The following KCNQ1OT1 variants were observed in gnomAD, a reference collection of about 807,000 sequenced individuals.
KCNQ1OT1 encodes the protein KCNQ1 opposite strand/antisense transcript 1.
rs559902211 is a variant in KCNQ1OT1, at chr11:2,621,646, C to G, written n.78349G>C. The G allele has an allele frequency of 2.1e-4, 83 of 398,392 alleles. No individual in the cohort carries two copies. Among genetic ancestry groups the G allele is most frequent in the African/African-American group, 1.5e-3 (73 of 48,698 alleles). The allele number at this position is 398,392 out of a possible 1,614,324, so 24.7% of individuals were successfully genotyped here. ...TTTTCTAGGAATTTGTCCATTTCCT[C>G]TAGGTTATCCAATTTGTTGGGATAT... On this transcript the variant is annotated non_coding_transcript_exon_variant, in exon 1 of 1. Coordinates refer to ENST00000597346, the Ensembl canonical transcript of KCNQ1OT1. This position sits in a 1 kb window ranked among gnomAD's most constrained non-coding sequence, Gnocchi z 5.7.
rs776170046 is a variant in KCNQ1OT1 at position 2,664,048 on chromosome 11, C to T, written n.35947G>A. ...ATCCTGCAGCCTTTTCAGGTTGGCA[C>T]TCCCATGGCCTCCAGTGATAAGTGG... On this transcript the variant is annotated non_coding_transcript_exon_variant, in exon 1 of 1. Transcript: ENST00000597346. The surrounding 1 kb of genome is among the most constrained non-coding windows in gnomAD (Gnocchi z 5.1). 6 of 398,632 alleles carry T rather than the reference C, an allele frequency of 1.5e-5. No individual in the cohort carries two copies. Among genetic ancestry groups the T allele is most frequent in the African/African-American group, 2.1e-5 (1 of 48,654 alleles). 24.7% of individuals were successfully genotyped at this position (398,632 alleles called of 1,614,324 possible).
chr11:2,643,048 T>C (rs777692756), exon 1 of KCNQ1OT1: 7 of 397,888 alleles, frequency 1.8e-5, no homozygotes, highest in Non-Finnish European at 3.1e-5. Context: ...TTAAAATATA[T>C]ATATATTTAA....
chr11:2,610,276 G>T, exon 1 of KCNQ1OT1: 2 of 397,840 alleles, frequency 5.0e-6, no homozygotes, highest in Non-Finnish European at 8.9e-6. Flanking sequence ...TCCTGTATGA[G>T]TTTATTCAGT....
exon 1 of KCNQ1OT1, chr11:2,672,309 G>T: frequency 2.5e-6 from 1 of 398,580 alleles, no homozygotes; most frequent in Non-Finnish European, 4.4e-6. Context: ...CTCCAGGTGG[G>T]AGCTCAAGGG....
At position 2,695,119 on chromosome 11, in the gene KCNQ1OT1, T is replaced by C. The variant is rs1317843572; in HGVS notation, n.4876A>G. On this transcript the variant is annotated non_coding_transcript_exon_variant, in exon 1 of 1. Transcript: ENST00000597346. The surrounding 1 kb of genome is among the most constrained non-coding windows in gnomAD (Gnocchi z 5.2). ...TAGAGGGTATCTGGCAGGAGAGTCA[T>C]GGAGGCACATTCATTCGTTGGTTCT... The C allele has an allele frequency of 2.5e-6, 1 of 398,558 alleles. No homozygotes were observed. The highest frequency in any genetic ancestry group is 2.1e-5 in the African/African-American group (1 of 48,630). 24.7% of individuals were successfully genotyped at this position (398,558 alleles called of 1,614,324 possible).
chr11:2,644,552 A>G (rs991323627), exon 1 of KCNQ1OT1: 2 of 398,200 alleles, frequency 5.0e-6, no homozygotes, highest in Admixed American at 8.8e-5. Flanking sequence ...GGTTTCATCA[A>G]TTTCTTTTTC....
chr11:2,677,837 A>C lies in KCNQ1OT1; in HGVS notation n.22158T>G, dbSNP rs975205960. The C allele has an allele frequency of 5.0e-6, 2 of 398,406 alleles. No individual in the cohort carries two copies. The highest frequency in any genetic ancestry group is 4.1e-5 in the African/African-American group (2 of 48,626). The allele number at this position is 398,406 out of a possible 1,614,324, so 24.7% of individuals were successfully genotyped here. ...ATGTTGTGATAGATACTGCCAAATAAGGGCTGTACCATTTACATCACTTTG... is the reference window on the plus strand; with the variant it reads ...ATGTTGTGATAGATACTGCCAAATACGGGCTGTACCATTTACATCACTTTG... On this transcript the variant is annotated non_coding_transcript_exon_variant, in exon 1 of 1. Transcript: ENST00000597346. This position sits in a 1 kb window ranked among gnomAD's most constrained non-coding sequence, Gnocchi z 4.5.
In KCNQ1OT1 at chr11:2,617,736, T is replaced by A; in HGVS notation, n.82259A>T. The A allele has an allele frequency of 2.5e-6, 1 of 398,548 alleles. No individual in the cohort carries two copies. Among genetic ancestry groups the A allele is most frequent in the Non-Finnish European group, 4.4e-6 (1 of 226,004 alleles). 24.7% of individuals were successfully genotyped at this position (398,548 alleles called of 1,614,324 possible). On this transcript the variant is annotated non_coding_transcript_exon_variant, in exon 1 of 1. Transcript: ENST00000597346. This position sits in a 1 kb window ranked among gnomAD's most constrained non-coding sequence, Gnocchi z 4.6. ...CACTTAATAGCTATTCTCATGAGTG[T>A]GAGGTGATATCGCATAGTAATTTTG...
At position 2,617,528 on chromosome 11, in the gene KCNQ1OT1, G is replaced by A. The variant is rs980143320; in HGVS notation, n.82467C>T. The A allele has an allele frequency of 2.5e-6, 1 of 398,434 alleles. No homozygotes were observed. Among genetic ancestry groups the A allele is most frequent in the Non-Finnish European group, 4.4e-6 (1 of 225,968 alleles). 24.7% of individuals were successfully genotyped at this position (398,434 alleles called of 1,614,324 possible). A position where few individuals can be genotyped will look rare whatever the true frequency, so the allele number is the denominator to read the frequency against. Reference sequence around the variant, plus strand: ...ATATAATGCCACAATGAATATAGGAGCGCAGATATCTTTATGAGGTGGAGA... The same window carrying A: ...ATATAATGCCACAATGAATATAGGAACGCAGATATCTTTATGAGGTGGAGA... On this transcript the variant is annotated non_coding_transcript_exon_variant, in exon 1 of 1. Transcript: ENST00000597346. This position sits in a 1 kb window ranked among gnomAD's most constrained non-coding sequence, Gnocchi z 4.6.
rs1288334100 is a variant in KCNQ1OT1, at chr11:2,669,605, G to C, written n.30390C>G. 1.8e-5 allele frequency: 7 copies of C among 398,536 alleles called. No individual in the cohort carries two copies. Among genetic ancestry groups the C allele is most frequent in the Non-Finnish European group, 3.1e-5 (7 of 226,092 alleles). The allele number at this position is 398,536 out of a possible 1,614,324, so 24.7% of individuals were successfully genotyped here. A position where few individuals can be genotyped will look rare whatever the true frequency, so the allele number is the denominator to read the frequency against. ...ATCCTGCCCACAGGACACTGGGGCA[G>C]TCACCTAATCTCTATCAGCCTCAGT... On this transcript the variant is annotated non_coding_transcript_exon_variant, in exon 1 of 1. Transcript: ENST00000597346. This position sits in a 1 kb window ranked among gnomAD's most constrained non-coding sequence, Gnocchi z 5.6.
At position 2,661,663 on chromosome 11, in the gene KCNQ1OT1, C is replaced by T; in HGVS notation, n.38332G>A. 1.7e-6 allele frequency: 1 copy of T among 596,590 alleles called. No individual in the cohort carries two copies. Among genetic ancestry groups the T allele is most frequent in the Non-Finnish European group, 3.0e-6 (1 of 334,574 alleles). The allele number at this position is 596,590 out of a possible 1,614,324, so 37.0% of individuals were successfully genotyped here. A position where few individuals can be genotyped will look rare whatever the true frequency, so the allele number is the denominator to read the frequency against. The stretch of plus-strand genomic sequence containing the variant: ...TGTCAGTTGTGAACATGGGAAGAGG[C>T]CCAGAACCTGAGGTGGGGAGAGTCT... On this transcript the variant is annotated non_coding_transcript_exon_variant, in exon 1 of 1. Coordinates refer to ENST00000597346, the Ensembl canonical transcript of KCNQ1OT1. The surrounding 1 kb of genome is among the most constrained non-coding windows in gnomAD (Gnocchi z 5.9).
exon 1 of KCNQ1OT1, chr11:2,696,801 T>C (rs942907973): frequency 1.3e-5 from 5 of 398,524 alleles, no homozygotes; most frequent in Non-Finnish European, 2.2e-5. Context: ...GGTATAAATT[T>C]TGCTGCTATT....
Position 2,669,348 on chromosome 11 carries a change from G to A in KCNQ1OT1, n.30647C>T, listed in dbSNP as rs1401142268. The A allele has an allele frequency of 2.5e-6, 1 of 398,518 alleles. No individual in the cohort carries two copies. Among genetic ancestry groups the A allele is most frequent in the African/African-American group, 2.1e-5 (1 of 48,620 alleles). 24.7% of individuals were successfully genotyped at this position (398,518 alleles called of 1,614,324 possible). On this transcript the variant is annotated non_coding_transcript_exon_variant, in exon 1 of 1. Coordinates refer to ENST00000597346, the Ensembl canonical transcript of KCNQ1OT1. The surrounding 1 kb of genome is among the most constrained non-coding windows in gnomAD (Gnocchi z 5.6). ...CCTCTAGGCGCAGCAGCCTCTAGATGGGCATGGGAGAATGGGTATCCTTAT... is the reference window on the plus strand; with the variant it reads ...CCTCTAGGCGCAGCAGCCTCTAGATAGGCATGGGAGAATGGGTATCCTTAT...
chr11:2,641,388 G>T (rs1420823318), exon 1 of KCNQ1OT1: 1 of 397,372 alleles, frequency 2.5e-6, no homozygotes, highest in Non-Finnish European at 4.4e-6. Flanking sequence ...AATTACTGAT[G>T]TTGGGCTTTT....
chr11:2,610,167 A>G (rs1589980061), exon 1 of KCNQ1OT1: 1 of 397,704 alleles, frequency 2.5e-6, no homozygotes, highest in East Asian at 3.6e-5. Context: ...ATTCTTCAAT[A>G]TTCTATTTGT....
chr11:2,610,615 C>T (rs1019218767), exon 1 of KCNQ1OT1: 1 of 397,188 alleles, frequency 2.5e-6, no homozygotes, highest in South Asian at 1.3e-4. Context: ...TCTTACAAAA[C>T]TGGTCTGCTA....
exon 1 of KCNQ1OT1, chr11:2,633,810 C>A: frequency 2.5e-6 from 1 of 398,548 alleles, no homozygotes; most frequent in Non-Finnish European, 4.4e-6. Flanking sequence ...CCTGTATATA[C>A]CAAAAGCCAT....
Position 2,670,850 on chromosome 11 carries a change from G to A in KCNQ1OT1, n.29145C>T, listed in dbSNP as rs1053516184. 2.3e-5 allele frequency: 9 copies of A among 398,466 alleles called. No homozygotes were observed. The highest frequency in any genetic ancestry group is 6.2e-4 in the Middle Eastern group (1 of 1,610). The allele number at this position is 398,466 out of a possible 1,614,324, so 24.7% of individuals were successfully genotyped here. A position where few individuals can be genotyped will look rare whatever the true frequency, so the allele number is the denominator to read the frequency against. ...GTGCCACCAGCCAAGGAGGTCAAAG[G>A]TCCTCACTGGCCAGTGGGCCACTGG... On this transcript the variant is annotated non_coding_transcript_exon_variant, in exon 1 of 1. Coordinates refer to ENST00000597346, the Ensembl canonical transcript of KCNQ1OT1. This position sits in a 1 kb window ranked among gnomAD's most constrained non-coding sequence, Gnocchi z 4.9.
chr11:2,620,091 T>C lies in KCNQ1OT1; in HGVS notation n.79904A>G, dbSNP rs1188853719. 7.5e-6 allele frequency: 3 copies of C among 398,342 alleles called. No homozygotes were observed. The highest frequency in any genetic ancestry group is 1.3e-5 in the Non-Finnish European group (3 of 226,034). 24.7% of individuals were successfully genotyped at this position (398,342 alleles called of 1,614,324 possible). ...GTTTACTCAGTGTTTAGGTCCCACTTGCAAGTGGTAACATGCAGTATTTGG... is the reference window on the plus strand; with the variant it reads ...GTTTACTCAGTGTTTAGGTCCCACTCGCAAGTGGTAACATGCAGTATTTGG... On this transcript the variant is annotated non_coding_transcript_exon_variant, in exon 1 of 1. Transcript: ENST00000597346. The surrounding 1 kb of genome is among the most constrained non-coding windows in gnomAD (Gnocchi z 4.5).
Sources: allele counts gnomAD v4.1 joint callset, GRCh38; gene constraint gnomAD v4.1.1; non-coding constraint Gnocchi (gnomAD v3.1); transcripts MANE v1.5; gene names NCBI Gene and HGNC (gene_info 2026-07-23, HGNC 2026-07-21).